The following CDK6 variants were observed in gnomAD, a reference collection of about 807,000 sequenced individuals.
CDK6 encodes cyclin dependent kinase 6.
CDK6 carries 6 observed loss-of-function variants against 37.1 expected under a neutral mutation model. The observed-to-expected ratio is 0.16, with a 90% confidence interval of 0.09 to 0.32. CDK6 has a LOEUF of 0.32. Ranked by LOEUF, CDK6 falls within the 10% of genes least tolerant of loss-of-function variation. The pLI is 1.00. For synonymous variants in CDK6, 160 were observed against 161.3 expected, an observed-to-expected ratio of 0.99 and a Z score of 0.06; for missense variants, 224 against 418.9, an observed-to-expected ratio of 0.53 and a Z score of 4.06.
At chr7:92,787,382 C>A (rs546119829) in intron 2 of CDK6, among the ~76,000 whole-genome samples, 1 of 152,030 alleles carries the variant, frequency 6.6e-6, no homozygotes, top group Non-Finnish European at 1.5e-5. Context: ...TCCTACCACT[C>A]ACGTACTTTT....
rs372096789 is a variant in CDK6, at chr7:92,618,149, C to T, written c.757G>A (p.Ala253Thr). Residue 253 changes from alanine (A) to threonine (T), a missense_variant, in exon 7 of 8, where the codon GCT (alanine) becomes ACT (threonine). Coordinates refer to ENST00000424848, the MANE Select transcript of CDK6 (RefSeq NM_001145306.2). ...WPRDVALPRQ[A>T]FHSKSAQPIE... ...GGTTGGGCAGATTTTGAATGAAAAGCCTGCCTGGGAAGGGCAACATCTCTA... is the reference window on the plus strand; with the variant it reads ...GGTTGGGCAGATTTTGAATGAAAAGTCTGCCTGGGAAGGGCAACATCTCTA... 1 of 1,614,076 alleles carries T rather than the reference C, an allele frequency of 6.2e-7. No individual in the cohort carries two copies. The highest frequency in any genetic ancestry group is 8.5e-7 in the Non-Finnish European group (1 of 1,179,930).
At chr7:92,746,847 AT>A (rs1275313337) in intron 3 of CDK6, among the ~76,000 whole-genome samples, 8 of 152,052 alleles carry the variant, frequency 5.3e-5, no homozygotes, top group Non-Finnish European at 1.2e-4. Flanking sequence ...AGATTTGGGC[AT>A]TTTTTCATAC....
At position 92,671,432 on chromosome 7, in the gene CDK6, C is replaced by A. The variant is rs1797069602; in HGVS notation, c.641G>T (p.Arg214Leu). The A allele has an allele frequency of 2.6e-6, 4 of 1,549,650 alleles. No homozygotes were observed. Among genetic ancestry groups the A allele is most frequent in the Non-Finnish European group, 3.5e-6 (4 of 1,147,392 alleles). Residue 214 changes from arginine to leucine, a missense_variant, in exon 5 of 8, where the codon CGT (arginine) becomes CTT (leucine). This residue lies in a region of CDK6 where 90 missense variants were observed against 136.2 expected (regional missense o/e 0.66). Coordinates refer to ENST00000424848, the MANE Select transcript of CDK6 (RefSeq NM_001145306.2). ...AACAAAATGTATTTCTTACTTTCTA[C>A]GAAACATTTCTGCAAATATGCAGCC... ...SVGCIFAEMFRRKPLFRGSSD... is the reference protein window; with the variant it reads ...SVGCIFAEMFLRKPLFRGSSD...
chr7:92,704,364 G>C (rs1410648748), intron 4 of CDK6, among the ~76,000 whole-genome samples: 1 of 152,014 alleles, frequency 6.6e-6, no homozygotes, highest in African/African-American at 2.4e-5. Flanking sequence ...TAGACATAAG[G>C]CTTTAATGAT....
At chr7:92,805,477 T>C (rs889297418) in intron 2 of CDK6, among the ~76,000 whole-genome samples, 11 of 152,312 alleles carry the variant, frequency 7.2e-5, no homozygotes, top group African/African-American at 2.6e-4. Flanking sequence ...GATGTCACTA[T>C]GGTCAAGACT....
intron 5 of CDK6, among the ~76,000 whole-genome samples, chr7:92,657,699 T>G (rs961252940): frequency 2.0e-5 from 3 of 152,186 alleles, no homozygotes; most frequent in African/African-American, 7.2e-5. Context: ...TTTTATAAAA[T>G]TACCATATTC....
At chr7:92,828,497 G>C (rs947493821) in intron 2 of CDK6, among the ~76,000 whole-genome samples, 13 of 151,994 alleles carry the variant, frequency 8.6e-5, no homozygotes, top group African/African-American at 3.1e-4. Flanking sequence ...TAATATCCAT[G>C]GTTTTACAAT....
chr7:92,728,502 GT>G (rs1454873060), intron 3 of CDK6, among the ~76,000 whole-genome samples: 3 of 152,086 alleles, frequency 2.0e-5, no homozygotes, highest in Non-Finnish European at 4.4e-5. Context: ...TGGCTGCATG[GT>G]TTTTCACCCT....
chr7:92,747,177 T>A (rs970347153), intron 3 of CDK6, among the ~76,000 whole-genome samples: 1 of 152,186 alleles, frequency 6.6e-6, no homozygotes, highest in African/African-American at 2.4e-5. Flanking sequence ...CTATTTCTGC[T>A]TTTCCTTTAC....
chr7:92,715,704 C>A (rs774241617), intron 4 of CDK6, among the ~76,000 whole-genome samples: 7 of 152,112 alleles, frequency 4.6e-5, no homozygotes, highest in African/African-American at 7.2e-5. Context: ...AAATCCGGCA[C>A]TACAAAGTAA....
At chr7:92,727,606 A>C (rs1474316062) in intron 3 of CDK6, among the ~76,000 whole-genome samples, 9 of 152,152 alleles carry the variant, frequency 5.9e-5, no homozygotes, top group Non-Finnish European at 1.5e-5. Context: ...AGACTGATTC[A>C]CAAACAACTA....
intron 5 of CDK6, among the ~76,000 whole-genome samples, chr7:92,649,400 A>G (rs1258715269): frequency 6.6e-6 from 1 of 152,164 alleles, no homozygotes; most frequent in Admixed American, 6.5e-5. Context: ...CTAACAGGTG[A>G]CTGGATGTCC....
chr7:92,808,099 TA>T (rs542999974), intron 2 of CDK6, among the ~76,000 whole-genome samples: 1 of 151,892 alleles, frequency 6.6e-6, no homozygotes, highest in Non-Finnish European at 1.5e-5. Flanking sequence ...AAAAAGAAAA[TA>T]AAAAAAACTA....
rs1801630086 is a variant in CDK6 at position 92,835,329 on chromosome 7, G to C, written c.-368+1149C>G. 6.7e-6 allele frequency: 1 copy of C among 150,268 alleles called. No homozygotes were observed. Among genetic ancestry groups the C allele is most frequent in the South Asian group, 2.3e-4 (1 of 4,342 alleles). 9.3% of individuals were successfully genotyped at this position (150,268 alleles called of 1,614,324 possible). On this transcript the variant is annotated intron_variant, in intron 1 of 7. Transcript: ENST00000424848. This position sits in a 1 kb window ranked among gnomAD's most constrained non-coding sequence, Gnocchi z 4.2. ...GGGCTCCGCAGCGAAGGAAGCGTCG[G>C]GGACGTCCCACCCCCGCAGGGAACT...
chr7:92,697,536 C>G (rs1400748867), intron 4 of CDK6, among the ~76,000 whole-genome samples: 2 of 152,214 alleles, frequency 1.3e-5, no homozygotes, highest in African/African-American at 4.8e-5. Context: ...CAACTAGCCA[C>G]TTGTCAGAGA....
intron 2 of CDK6, among the ~76,000 whole-genome samples, chr7:92,807,298 TATATCTATATCTAGAG>T (rs1245671900): frequency 1.3e-5 from 2 of 152,154 alleles, no homozygotes; most frequent in Admixed American, 1.3e-4. Flanking sequence ...TGGAGACATG[TATATCTATATCTAGAG>T]ATATCTATAT....
intron 4 of CDK6, among the ~76,000 whole-genome samples, chr7:92,700,532 T>A (rs1797819391): frequency 6.6e-6 from 1 of 152,232 alleles, no homozygotes; most frequent in Non-Finnish European, 1.5e-5. Context: ...GGTGAGGCCA[T>A]CAGCCTGAAT....
intron 4 of CDK6, among the ~76,000 whole-genome samples, chr7:92,685,480 A>G (rs370055165): frequency 9.8e-5 from 15 of 152,358 alleles, no homozygotes; most frequent in East Asian, 7.7e-4. Flanking sequence ...CTATATTTCC[A>G]TTTATAAACA....
chr7:92,726,128 G>C (rs370441360), intron 3 of CDK6, among the ~76,000 whole-genome samples: 1 of 152,096 alleles, frequency 6.6e-6, no homozygotes, highest in South Asian at 2.1e-4. Context: ...GTCGTGAGGG[G>C]ACACTTTTTG....
Sources: allele counts gnomAD v4.1 joint callset (sites outside exome capture counted in the v4.1 genomes callset), GRCh38; gene constraint gnomAD v4.1.1; regional missense constraint gnomAD v4.1.1; non-coding constraint Gnocchi (gnomAD v3.1); transcripts MANE v1.5; gene names NCBI Gene and HGNC (gene_info 2026-07-23, HGNC 2026-07-21).